EMB: variants seen among roughly 807,000 people sequenced by gnomAD.
EMB encodes the protein embigin homolog.
A neutral mutation model predicts 41.4 loss-of-function variants in EMB; 31 were observed. That is an observed-to-expected ratio of 0.75 (90% confidence interval 0.56 to 1.01). The LOEUF (loss-of-function observed/expected upper bound fraction) is 1.01. EMB is among the 50% of genes least tolerant of loss of function. The probability of loss-of-function intolerance (pLI) is 0.00; values close to 1 mark genes in which losing one functional copy is unlikely to be tolerated. For missense variants in EMB, 379 were observed against 388.3 expected (o/e 0.98, Z 0.20); for synonymous variants, 137 against 140.4 (o/e 0.98, Z 0.17).
At chr5:50,441,329 G>A (rs554496317), upstream of EMB, 1 of 391,244 alleles carries the variant, frequency 2.6e-6, no homozygotes, top group Non-Finnish European at 4.5e-6. Context: ...CCACTCCCCC[G>A]AGACGCTCTT....
intron 5 of EMB, among the ~76,000 whole-genome samples, chr5:50,404,991 G>A (rs550055714): frequency 3.9e-5 from 6 of 151,936 alleles, no homozygotes; most frequent in African/African-American, 7.2e-5. Context: ...TGCCTTTAAC[G>A]GGACTTTAAT....
rs904892129 is a variant in EMB, at chr5:50,440,885, G to T, written c.112+155C>A. Among the ~76,000 whole-genome samples the T allele has an allele frequency of 9.9e-5, 15 of 152,104 alleles. 1 individual carries two copies. The highest frequency in any genetic ancestry group is 3.6e-4 in the African/African-American group (15 of 41,436). On this transcript the variant is annotated intron_variant, in intron 1 of 8. Coordinates refer to ENST00000303221, the MANE Select transcript of EMB (RefSeq NM_198449.3). ...TAGGTGACACAAACGTAGCTAATGG[G>T]AGGCCGCCGCCGACTCTCCCACCCG... is the stretch of plus-strand genomic sequence containing the variant.
intron 1 of EMB, among the ~76,000 whole-genome samples, chr5:50,436,748 T>C (rs1220925835): frequency 3.9e-5 from 6 of 152,034 alleles, no homozygotes; most frequent in African/African-American, 1.2e-4. Flanking sequence ...CCTGATCTGG[T>C]CCCCTTGGGC....
At chr5:50,433,326 GAAAT>G (rs1418159672) in intron 1 of EMB, among the ~76,000 whole-genome samples, 3 of 142,748 alleles carry the variant, frequency 2.1e-5, no homozygotes, top group African/African-American at 5.4e-5. Context: ...TATAGGAATG[GAAAT>G]AAATAGATCT....
chr5:50,426,808 C>G (rs1745617496), intron 2 of EMB, among the ~76,000 whole-genome samples: 1 of 149,544 alleles, frequency 6.7e-6, no homozygotes, highest in Admixed American at 6.7e-5. Flanking sequence ...AGAAGAAAGT[C>G]TATGGTTCAT....
chr5:50,403,912 T>G (rs1026661289), intron 5 of EMB, among the ~76,000 whole-genome samples: 1 of 151,872 alleles, frequency 6.6e-6, no homozygotes, highest in African/African-American at 2.4e-5. Context: ...GACAATGTGA[T>G]TTCCCCAGGC....
intron 1 of EMB, among the ~76,000 whole-genome samples, chr5:50,437,885 T>C (rs1206397010): frequency 6.6e-6 from 1 of 152,162 alleles, no homozygotes; most frequent in Non-Finnish European, 1.5e-5. Flanking sequence ...CCAATTTGTG[T>C]CATGTAATAG....
intron 1 of EMB, among the ~76,000 whole-genome samples, chr5:50,429,625 A>G (rs1579741458): frequency 1.3e-5 from 2 of 152,194 alleles, no homozygotes; most frequent in East Asian, 3.8e-4. Flanking sequence ...ACCATGGCAC[A>G]TGTATACCTA....
chr5:50,406,575 C>T (rs186099403), intron 4 of EMB, among the ~76,000 whole-genome samples: 1 of 151,706 alleles, frequency 6.6e-6, no homozygotes, highest in South Asian at 2.1e-4. Context: ...AAGATAAGAG[C>T]ATAAACAGTA....
At position 50,405,749 on chromosome 5, in the gene EMB, C is replaced by T; in HGVS notation, c.576G>A (p.Trp192Ter). The change falls in exon 5 of 9, where the codon TGG (tryptophan) becomes TGA (stop). Residue 192 changes from tryptophan (W) to a stop codon, truncating the protein, a stop_gained. Coordinates refer to ENST00000303221, the MANE Select transcript of EMB (RefSeq NM_198449.3). LOFTEE classifies it high-confidence loss of function. ...CCTTTACACTCCCATTACTACTGTA[C>T]CAGGTCCAATTTAAAGGAAAACAAT... is the stretch of plus-strand genomic sequence containing the variant. ...CQNCFPLNWT[W>*]YSSNGSVKVP... The T allele has an allele frequency of 6.2e-7, 1 of 1,605,114 alleles. No individual in the cohort carries two copies. The highest frequency in any genetic ancestry group is 8.5e-7 in the Non-Finnish European group (1 of 1,175,840).
intron 4 of EMB, 138 bp downstream of exon 4, chr5:50,410,739 T>C (rs1399043414): frequency 2.3e-5 from 12 of 524,076 alleles, no homozygotes; most frequent in Non-Finnish European, 3.5e-5. Context: ...CTGCCTCTTG[T>C]GGCTCTGGAA....
chr5:50,431,350 T>C (rs1327787762), intron 1 of EMB, among the ~76,000 whole-genome samples: 1 of 152,214 alleles, frequency 6.6e-6, no homozygotes, highest in Non-Finnish European at 1.5e-5. Flanking sequence ...GTAAACCTTA[T>C]TGCTTTCAGT....
rs538296170 is a variant in EMB, at chr5:50,429,335, C to A, written c.113-1108G>T. On this transcript the variant is annotated intron_variant, in intron 1 of 8. Transcript: ENST00000303221. Reference sequence around the variant, plus strand: ...TTGGCTGCATTATTTAAATTAAATCCCATTCAATTTAAATGAAACCTGAGC... The same window carrying A: ...TTGGCTGCATTATTTAAATTAAATCACATTCAATTTAAATGAAACCTGAGC... Among the ~76,000 whole-genome samples, 316 of 152,142 alleles carry A rather than the reference C, an allele frequency of 2.1e-3. 2 individuals carry two copies. Among genetic ancestry groups the A allele is most frequent in the Non-Finnish European group, 8.1e-4 (55 of 67,986 alleles).
At chr5:50,423,557 G>C (rs1233498425) in intron 2 of EMB, among the ~76,000 whole-genome samples, 2 of 152,144 alleles carry the variant, frequency 1.3e-5, no homozygotes, top group Admixed American at 6.6e-5. Flanking sequence ...GTTAGGGACT[G>C]TGTGCTTGTT....
rs756067116 is a variant in EMB, at chr5:50,403,468, ACATTAAAATCCATTCCTAT to A, written c.601-33_601-15del. 4 of 1,609,798 alleles carry A rather than the reference ACATTAAAATCCATTCCTAT, an allele frequency of 2.5e-6. No individual in the cohort carries two copies. The African/African-American group carries it at 5.4e-5, about 22-fold the overall frequency. The stretch of plus-strand genomic sequence containing the variant: ...ACCAACAGGAACCTAATATGAGGAG[ACATTAAAATCCATTCCTAT>A]CATAGCACATAAAAGATACATGACA... On this transcript the variant is annotated splice_polypyrimidine_tract_variant and intron_variant, in intron 5 of 8. Transcript: ENST00000303221.
intron 2 of EMB, among the ~76,000 whole-genome samples, chr5:50,421,980 G>A (rs930096285): frequency 4.6e-5 from 7 of 151,790 alleles, no homozygotes; most frequent in African/African-American, 1.5e-4. Flanking sequence ...CACCAACATG[G>A]CACATGTATA....
chr5:50,425,830 C>G (rs1019058786), intron 2 of EMB, among the ~76,000 whole-genome samples: 1 of 151,692 alleles, frequency 6.6e-6, no homozygotes, highest in Non-Finnish European at 1.5e-5. Context: ...AATACAGGTG[C>G]CCACCACCAC....
chr5:50,439,445 C>T (rs1408228434), intron 1 of EMB, among the ~76,000 whole-genome samples: 1 of 151,706 alleles, frequency 6.6e-6, no homozygotes, highest in Non-Finnish European at 1.5e-5. Context: ...GCATCCCAAG[C>T]ACCTGGGACT....
At chr5:50,422,618 T>A (rs1406841436) in intron 2 of EMB, among the ~76,000 whole-genome samples, 1 of 152,054 alleles carries the variant, frequency 6.6e-6, no homozygotes, top group Non-Finnish European at 1.5e-5. Flanking sequence ...TAAAACTATA[T>A]CATAAATGGG....
Sources: gnomAD v4.1 joint callset for allele counts (sites outside exome capture counted in the v4.1 genomes callset) on GRCh38, gnomAD v4.1.1 for gene constraint, MANE v1.5 for transcripts, NCBI Gene and HGNC (gene_info 2026-07-23, HGNC 2026-07-21) for gene names.